The following AATF variants were observed in gnomAD, a reference collection of about 807,000 sequenced individuals.
AATF encodes protein AATF.
A neutral mutation model predicts 63.7 loss-of-function variants in AATF; 48 were observed. The observed-to-expected ratio is 0.75, with a 90% CI of 0.60 to 0.96. The LOEUF is 0.96. Among genes scored for constraint, AATF ranks in the 40% least tolerant of loss-of-function variants. AATF has a pLI of 0.00. For synonymous variants in AATF, 258 were observed against 247.7 expected, an observed-to-expected ratio of 1.04 and a Z score of -0.39; for missense variants, 639 against 685.7, an observed-to-expected ratio of 0.93 and a Z score of 0.76.
At chr17:37,050,878 T>A (rs948800033) in intron 11 of AATF, among the ~76,000 whole-genome samples, 5 of 152,198 alleles carry the variant, frequency 3.3e-5, no homozygotes, top group Admixed American at 1.3e-4. Context: ...CCCCCACTCC[T>A]AAGAAGCAAC....
chr17:36,968,210 T>C (rs1597704112), intron 4 of AATF, among the ~76,000 whole-genome samples: 3 of 150,304 alleles, frequency 2.0e-5, no homozygotes, highest in Admixed American at 6.6e-5. Context: ...GTACTTTCTA[T>C]TGAGTTTTTA....
At chr17:36,972,726 G>T (rs1312870978) in intron 4 of AATF, among the ~76,000 whole-genome samples, 1 of 149,550 alleles carries the variant, frequency 6.7e-6, no homozygotes, top group Non-Finnish European at 1.5e-5. Flanking sequence ...CATTTATCAT[G>T]ATTGCTGTCT....
At chr17:36,958,933 T>G (rs1240722589) in intron 4 of AATF, among the ~76,000 whole-genome samples, 1 of 151,516 alleles carries the variant, frequency 6.6e-6, no homozygotes, top group Non-Finnish European at 1.5e-5. Context: ...TCACCTGAGG[T>G]CAGGAGTTCG....
rs1331900077 is a variant in AATF, at chr17:37,020,360, C to G, written c.1467-574C>G. Among the ~76,000 whole-genome samples the G allele has an allele frequency of 3.3e-5, 5 of 151,780 alleles. No homozygotes were observed. In the East Asian group the frequency reaches 9.6e-4, roughly 29 times the overall value. ...GGGGAGAAGAGTCCTTATCGCTTCT[C>G]TTGTATAGCAACACGTACTGAAATA... is the stretch of plus-strand genomic sequence containing the variant. On this transcript the variant is annotated intron_variant, in intron 9 of 11. Coordinates refer to ENST00000619387, the MANE Select transcript of AATF (RefSeq NM_012138.4).
In AATF at chr17:36,982,070, A is replaced by G. The variant is rs11868326; in HGVS notation, c.833-4547A>G. Among the ~76,000 whole-genome samples the G allele has an allele frequency of 9.8e-3, 1,493 of 152,148 alleles. 34 individuals carry two copies. The highest frequency in any genetic ancestry group is 0.034 in the African/African-American group (1,425 of 41,502). On this transcript the variant is annotated intron_variant, in intron 4 of 11. Coordinates refer to ENST00000619387, the MANE Select transcript of AATF (RefSeq NM_012138.4). ...TTCTCTCTGTGATTTTGACTACTGTAGGTACTTCATATATTGGAAATAGTA... is the reference window on the plus strand; with the variant it reads ...TTCTCTCTGTGATTTTGACTACTGTGGGTACTTCATATATTGGAAATAGTA...
At chr17:37,031,345 T>G in intron 10 of AATF, 1 of 492,976 alleles carries the variant, frequency 2.0e-6, no homozygotes. Flanking sequence ...TACATGCAAA[T>G]ACTATGCCAT....
intron 4 of AATF, among the ~76,000 whole-genome samples, chr17:36,971,566 T>A (rs1050673195): frequency 2.6e-5 from 4 of 152,218 alleles, no homozygotes; most frequent in African/African-American, 7.2e-5. Context: ...TCCAGTAGTC[T>A]CTGTCTTAGA....
At chr17:36,968,188 G>A (rs751948969) in intron 4 of AATF, among the ~76,000 whole-genome samples, 21 of 142,198 alleles carry the variant, frequency 1.5e-4, no homozygotes, top group Non-Finnish European at 2.9e-4. Flanking sequence ...CATTTCCTCA[G>A]CTTTATTTTC....
intron 4 of AATF, among the ~76,000 whole-genome samples, chr17:36,973,680 T>A (rs1212004176): frequency 1.3e-5 from 2 of 152,206 alleles, no homozygotes; most frequent in Admixed American, 6.5e-5. Flanking sequence ...TCCTTCTCCT[T>A]TAGGCAGGTA....
chr17:36,998,457 T>C (rs1230779569), intron 8 of AATF: 1 of 152,248 alleles, frequency 6.6e-6, no homozygotes, highest in East Asian at 1.9e-4. Context: ...TCCCTTCTGA[T>C]TGGACAAGTT....
At chr17:36,980,241 C>A (rs1007990008) in intron 4 of AATF, 4 of 152,156 alleles carry the variant, frequency 2.6e-5, no homozygotes, top group Non-Finnish European at 5.9e-5. Flanking sequence ...GGGCCCCTAA[C>A]CCCCAGTAAA....
At position 37,024,958 on chromosome 17, in the gene AATF, CA is replaced by C. The variant is rs901990342; in HGVS notation, c.1547+3955del. Among the ~76,000 whole-genome samples, 259 of 139,150 alleles carry C rather than the reference CA, an allele frequency of 1.9e-3. 1 individual carries two copies. The highest frequency in any genetic ancestry group is 5.8e-3 in the African/African-American group (220 of 37,938). The allele number at this position is 139,150 out of a possible 152,430, so 91.3% of individuals were successfully genotyped here. ...TGAGTCACAGAGCGAGACCCTGTCT[CA>C]AAAAAAAAAAGATAATTGTAGGAGA... On this transcript the variant is annotated intron_variant, in intron 10 of 11. Transcript: ENST00000619387.
intron 4 of AATF, among the ~76,000 whole-genome samples, chr17:36,977,244 G>A (rs1051892770): frequency 9.2e-5 from 14 of 152,172 alleles, no homozygotes; most frequent in Admixed American, 3.3e-4. Flanking sequence ...CTGGATGACA[G>A]GCTGAAGCTG....
chr17:37,023,641 A>G (rs552386151), intron 10 of AATF, among the ~76,000 whole-genome samples: 5 of 147,810 alleles, frequency 3.4e-5, no homozygotes, highest in African/African-American at 7.5e-5. Context: ...AAAAAGAGGC[A>G]TTCTTTTTAA....
rs940594540 is a variant in AATF, at chr17:37,035,583, G to A, written c.1619+3898G>A. Among the ~76,000 whole-genome samples, 5 of 148,192 alleles carry A rather than the reference G, an allele frequency of 3.4e-5. 1 individual carries two copies. Among genetic ancestry groups the A allele is most frequent in the African/African-American group, 1.2e-4 (5 of 40,620 alleles). On this transcript the variant is annotated intron_variant, in intron 11 of 11. Coordinates refer to ENST00000619387, the MANE Select transcript of AATF (RefSeq NM_012138.4). ...AGATGGAGTCTTGCTCTGTTGCCCAGGCAAGAGTGCAGTGGTGCAATCTTG... is the reference window on the plus strand; with the variant it reads ...AGATGGAGTCTTGCTCTGTTGCCCAAGCAAGAGTGCAGTGGTGCAATCTTG...
intron 4 of AATF, among the ~76,000 whole-genome samples, chr17:36,961,960 C>T (rs913741884): frequency 2.6e-5 from 4 of 152,142 alleles, no homozygotes; most frequent in Middle Eastern, 3.2e-3. Flanking sequence ...CAGGCGTGAG[C>T]CACGGTGCTG....
intron 8 of AATF, among the ~76,000 whole-genome samples, chr17:37,004,115 A>G (rs932490582): frequency 1.3e-5 from 2 of 152,000 alleles, no homozygotes; most frequent in African/African-American, 4.8e-5. Context: ...GGATCACTTG[A>G]GGTCAGGAGT....
Position 36,949,137 on chromosome 17 carries a change from G to A in AATF, c.12G>A (p.Pro4=), listed in dbSNP as rs747353744. The A allele has an allele frequency of 3.8e-6, 6 of 1,579,460 alleles. No homozygotes were observed. Among genetic ancestry groups the A allele is most frequent in the Admixed American group, 3.7e-5 (2 of 53,868 alleles). MAG[P]QPLALQLEQL... ...GGGAGCTGGTGACGATGGCGGGGCC[G>A]CAGCCCCTGGCGCTGCAACTGGAAC... Residue 4 remains proline (P), a synonymous_variant, in exon 1 of 12, where the codon CCG becomes CCA. Coordinates refer to ENST00000619387, the MANE Select transcript of AATF (RefSeq NM_012138.4).
intron 8 of AATF, among the ~76,000 whole-genome samples, chr17:36,995,433 A>G (rs1003624641): frequency 2.0e-5 from 3 of 152,204 alleles, no homozygotes; most frequent in African/African-American, 7.2e-5. Context: ...TGAGCGATTA[A>G]TATGGACAGG....
Sources: gnomAD v4.1 joint callset for allele counts (sites outside exome capture counted in the v4.1 genomes callset) on GRCh38, gnomAD v4.1.1 for gene constraint, MANE v1.5 for transcripts, NCBI Gene and HGNC (gene_info 2026-07-23, HGNC 2026-07-21) for gene names.